Variants in CACNA1C observed in about 807,000 individuals in gnomAD.
CACNA1C encodes voltage-dependent L-type calcium channel subunit alpha-1C.
A neutral mutation model predicts 229.0 loss-of-function variants in CACNA1C; 30 were observed. That is an observed-to-expected ratio of 0.13 (90% CI 0.10 to 0.18). The LOEUF (loss-of-function observed/expected upper bound fraction) is 0.18. Ranked by LOEUF, CACNA1C falls within the 10% of genes least tolerant of loss-of-function variation. The pLI is 1.00. For missense variants in CACNA1C, 1,658 were observed against 2,845.0 expected (o/e 0.58, Z 9.49); for synonymous variants, 1,114 against 1,132.5 (o/e 0.98, Z 0.33).
intron 1 of CACNA1C, among the ~76,000 whole-genome samples, chr12:2,000,709 G>A (rs563522797): frequency 5.3e-5 from 8 of 152,156 alleles, no homozygotes; most frequent in Middle Eastern, 3.2e-3. Flanking sequence ...GGGCTAATTA[G>A]TTTATTATTA....
At chr12:2,457,378 G>A (rs148067517) in intron 4 of CACNA1C, among the ~76,000 whole-genome samples, 189 bp from the exon 5 acceptor site, 1 of 152,274 alleles carries the variant, frequency 6.6e-6, no homozygotes, top group Non-Finnish European at 1.5e-5. Context: ...CCTGGGCATG[G>A]CCACCACCCA....
At chr12:2,252,172 G>A (rs1310944170) in intron 3 of CACNA1C, among the ~76,000 whole-genome samples, 1 of 152,182 alleles carries the variant, frequency 6.6e-6, no homozygotes, top group Non-Finnish European at 1.5e-5. Flanking sequence ...CTCCTGCTGC[G>A]GTTAAAATGA....
chr12:2,623,010 G>A (rs1456881361), intron 29 of CACNA1C, among the ~76,000 whole-genome samples: 2 of 152,196 alleles, frequency 1.3e-5, no homozygotes, highest in African/African-American at 2.4e-5. Context: ...TCATCTCTAT[G>A]TAGTCTTTCG....
intron 1 of CACNA1C, among the ~76,000 whole-genome samples, chr12:2,027,104 G>A (rs536687473): frequency 1.3e-5 from 2 of 152,336 alleles, no homozygotes; most frequent in East Asian, 1.9e-4. Flanking sequence ...TAGTAAGCCA[G>A]ATGATGCTGG....
chr12:2,485,715 A>G (rs576316934), intron 5 of CACNA1C, among the ~76,000 whole-genome samples: 79 of 152,310 alleles, frequency 5.2e-4, no homozygotes, highest in African/African-American at 1.8e-3. Context: ...AGGATAAATG[A>G]GTCCCTGCAG....
chr12:2,274,263 G>A (rs1311979495), intron 3 of CACNA1C, among the ~76,000 whole-genome samples: 2 of 152,194 alleles, frequency 1.3e-5, no homozygotes, highest in Admixed American at 6.5e-5. Flanking sequence ...CTCCCGAGTC[G>A]TTCTCACTGC....
At chr12:2,438,334 G>T (rs1314926604) in intron 3 of CACNA1C, among the ~76,000 whole-genome samples, 1 of 148,958 alleles carries the variant, frequency 6.7e-6, no homozygotes, top group African/African-American at 2.5e-5. Context: ...TGGGGATGGT[G>T]ATGATAATGA....
chr12:2,611,365 G>A (rs1464960874), intron 28 of CACNA1C, among the ~76,000 whole-genome samples: 1 of 148,412 alleles, frequency 6.7e-6, no homozygotes, highest in Non-Finnish European at 1.5e-5. Context: ...TCAATGGAGA[G>A]GGGAGGAGAT....
At chr12:1,990,545 T>G (rs1055848986) in intron 1 of CACNA1C, among the ~76,000 whole-genome samples, 2 of 152,236 alleles carry the variant, frequency 1.3e-5, no homozygotes, top group Non-Finnish European at 2.9e-5. Context: ...AAGGGATTTT[T>G]TTTTTCTCTC....
chr12:2,198,843 T>G (rs975244482), intron 3 of CACNA1C, among the ~76,000 whole-genome samples: 2 of 152,166 alleles, frequency 1.3e-5, no homozygotes, highest in African/African-American at 4.8e-5. Context: ...TTTTAAGTTT[T>G]CAAGGTGAGG....
chr12:2,235,219 C>T (rs550332945), intron 3 of CACNA1C, among the ~76,000 whole-genome samples: 40 of 152,328 alleles, frequency 2.6e-4, no homozygotes, highest in Non-Finnish European at 5.0e-4. Flanking sequence ...TTCTTCCTCC[C>T]TTTCCATTTC....
chr12:2,247,588 C>G lies in CACNA1C; in HGVS notation c.477+127158C>G, dbSNP rs368664767. On this transcript the variant is annotated intron_variant, in intron 3 of 46. Coordinates refer to ENST00000399655, the MANE Select transcript of CACNA1C (RefSeq NM_000719.7). ...GCTGAGTTTCAGGCTTCCTGACCTTCCTGGTGGGCAGCCACGGCGAAATCT... is the reference window on the plus strand; with the variant it reads ...GCTGAGTTTCAGGCTTCCTGACCTTGCTGGTGGGCAGCCACGGCGAAATCT... 5.9e-5 allele frequency among the ~76,000 whole-genome samples: 9 copies of G among 152,300 alleles called. No individual in the cohort carries two copies. The South Asian group carries it at 1.5e-3, about 25-fold the overall frequency.
chr12:2,448,682 T>G (rs1373708331), intron 3 of CACNA1C, among the ~76,000 whole-genome samples: 3 of 152,042 alleles, frequency 2.0e-5, no homozygotes, highest in Middle Eastern at 3.4e-3. Flanking sequence ...GTCAACTGAT[T>G]AACTAAATAA....
At chr12:2,589,720 C>T (rs1372014670) in intron 18 of CACNA1C, among the ~76,000 whole-genome samples, 2 of 145,228 alleles carry the variant, frequency 1.4e-5, no homozygotes, top group African/African-American at 4.9e-5. Context: ...GAATAAAGAG[C>T]AGTGGTGTTC....
chr12:2,194,104 G>T (rs900023857), intron 3 of CACNA1C, among the ~76,000 whole-genome samples: 1 of 151,606 alleles, frequency 6.6e-6, no homozygotes, highest in Non-Finnish European at 1.5e-5. Flanking sequence ...TACCTGCCCC[G>T]TCCTCCTCCT....
At chr12:2,358,087 A>G (rs1344399268) in intron 3 of CACNA1C, among the ~76,000 whole-genome samples, 4 of 152,088 alleles carry the variant, frequency 2.6e-5, no homozygotes, top group African/African-American at 4.8e-5. Flanking sequence ...AGGAAAAGTT[A>G]CTGATGATTC....
At chr12:2,565,166 GC>G (rs984189672) in intron 11 of CACNA1C, among the ~76,000 whole-genome samples, 4 of 152,182 alleles carry the variant, frequency 2.6e-5, no homozygotes, top group Non-Finnish European at 5.9e-5. Flanking sequence ...CACCTGGGGA[GC>G]CTTAAAAATA....
At chr12:2,541,392 CA>C (rs2099869941) in intron 9 of CACNA1C, among the ~76,000 whole-genome samples, 1 of 152,134 alleles carries the variant, frequency 6.6e-6, no homozygotes, top group South Asian at 2.1e-4. Context: ...CGCTCATATG[CA>C]AAAAATGTAA....
At chr12:2,290,371 G>A (rs1446309734) in intron 3 of CACNA1C, among the ~76,000 whole-genome samples, 2 of 152,210 alleles carry the variant, frequency 1.3e-5, no homozygotes, top group Admixed American at 6.5e-5. Context: ...TGTTTTCAGA[G>A]ACAATGGTGT....
Sources: gnomAD v4.1 joint callset for allele counts (sites outside exome capture counted in the v4.1 genomes callset) on GRCh38, gnomAD v4.1.1 for gene constraint, MANE v1.5 for transcripts, NCBI Gene and HGNC (gene_info 2026-07-23, HGNC 2026-07-21) for gene names.